Variants in SNCAIP observed in about 807,000 individuals in gnomAD.
The protein encoded by SNCAIP is synphilin-1.
SNCAIP carries 43 observed loss-of-function variants against 86.7 expected under a neutral mutation model. The ratio of observed to expected loss-of-function variants is 0.50; its 90% CI spans 0.39 to 0.64. SNCAIP has a LOEUF of 0.64. Ranked by LOEUF, SNCAIP falls within the 30% of genes least tolerant of loss-of-function variation. The pLI is 0.00. For missense variants in SNCAIP, 981 were observed against 1,103.1 expected (o/e 0.89, Z 1.57); for synonymous variants, 417 against 427.2 (o/e 0.98, Z 0.29).
chr5:122,398,360 C>T lies in SNCAIP; in HGVS notation c.58-5433C>T, dbSNP rs1771063089. Among the ~76,000 whole-genome samples the T allele has an allele frequency of 2.0e-5, 3 of 152,016 alleles. No homozygotes were observed. The South Asian group carries it at 6.2e-4, about 32-fold the overall frequency. On this transcript the variant is annotated intron_variant, in intron 2 of 10. Transcript: ENST00000261368. ...GAGGAGCAGACTGTTAGTGCCATGT[C>T]CCAAGGGAAGGGACAATGGAACACA...
intron 1 of SNCAIP, among the ~76,000 whole-genome samples, chr5:122,362,999 T>C (rs976221864): frequency 6.7e-6 from 1 of 150,208 alleles, no homozygotes; most frequent in Admixed American, 6.6e-5. Context: ...TTCTATTTTT[T>C]TTTTTTTTTT....
intron 6 of SNCAIP, among the ~76,000 whole-genome samples, chr5:122,437,533 C>G (rs1283141239): frequency 6.6e-6 from 1 of 152,120 alleles, no homozygotes; most frequent in East Asian, 1.9e-4. Flanking sequence ...AGGCCAATCG[C>G]ACTTCTTATT....
intron 1 of SNCAIP, among the ~76,000 whole-genome samples, chr5:122,319,979 A>G (rs1427693413): frequency 6.6e-6 from 1 of 152,236 alleles, no homozygotes; most frequent in Non-Finnish European, 1.5e-5. Flanking sequence ...TCATTCATGC[A>G]ACCAAATGAA....
Position 122,403,641 on chromosome 5 carries a change from C to G in SNCAIP, c.58-152C>G. ...ATCTTAGGATGCTGCCAGGTCACCA[C>G]GCAGCCCATTTAGGGTAAAATGAGA... On this transcript the variant is annotated intron_variant, in intron 2 of 10. Transcript: ENST00000261368. The G allele has an allele frequency of 4.0e-6, 3 of 756,998 alleles. No individual in the cohort carries two copies. In the Admixed American group the frequency reaches 5.4e-5, roughly 14 times the overall value. The allele number at this position is 756,998 out of a possible 1,614,324, so 46.9% of individuals were successfully genotyped here. A position where few individuals can be genotyped will look rare whatever the true frequency, so the allele number is the denominator to read the frequency against.
Position 122,450,694 on chromosome 5 carries a change from C to T in SNCAIP, c.1847C>T (p.Ser616Phe). 6.2e-7 allele frequency: 1 copy of T among 1,614,160 alleles called. No homozygotes were observed. The highest frequency in any genetic ancestry group is 8.5e-7 in the Non-Finnish European group (1 of 1,180,016). Residue 616 changes from serine to phenylalanine, a missense_variant, in exon 10 of 11, where the codon TCT becomes TTT. Ser to Phe is a radical substitution (Grantham distance 155). Coordinates refer to ENST00000261368, the MANE Select transcript of SNCAIP (RefSeq NM_005460.4). ...RARPKAKDEDSDKILRQLLGK... is the reference protein window; with the variant it reads ...RARPKAKDEDFDKILRQLLGK... ...AGACCCAAAGCAAAAGATGAAGATT[C>T]TGATAAAATCTTACGCCAGTTATTG...
chr5:122,461,759 A>G (rs1786369550), intron 10 of SNCAIP, among the ~76,000 whole-genome samples: 2 of 150,634 alleles, frequency 1.3e-5, no homozygotes. Context: ...GCTCACTGCA[A>G]CCTCTGCCTC....
chr5:122,420,888 C>T (rs2152921505), intron 3 of SNCAIP, among the ~76,000 whole-genome samples: 1 of 152,342 alleles, frequency 6.6e-6, no homozygotes, highest in East Asian at 1.9e-4. Context: ...AAATTGATCT[C>T]TTACTGGTGA....
intron 3 of SNCAIP, among the ~76,000 whole-genome samples, chr5:122,422,361 G>C (rs1364869986): frequency 2.0e-5 from 3 of 152,270 alleles, no homozygotes; most frequent in Non-Finnish European, 2.9e-5. Context: ...GTTTGAATTT[G>C]CTCAATATTA....
chr5:122,351,536 C>CAAAAAGAAAA (rs1759797472), intron 1 of SNCAIP, among the ~76,000 whole-genome samples: 1 of 36,514 alleles, frequency 2.7e-5, no homozygotes, highest in African/African-American at 8.3e-5. Context: ...GACTCTGTAT[C>CAAAAAGAAAA]AAAAAAAAAA....
chr5:122,405,127 AG>A (rs1772694260), intron 3 of SNCAIP, among the ~76,000 whole-genome samples: 1 of 152,224 alleles, frequency 6.6e-6, no homozygotes, highest in Non-Finnish European at 1.5e-5. Context: ...TCAATGACAC[AG>A]GTAGCTGACT....
intron 1 of SNCAIP, among the ~76,000 whole-genome samples, 170 bp from the exon 2 acceptor site, chr5:122,390,919 G>A (rs527244430): frequency 3.7e-4 from 57 of 152,298 alleles, no homozygotes; most frequent in Non-Finnish European, 6.6e-4. Context: ...CGCTGTGTTT[G>A]CTGCTTCTGG....
intron 1 of SNCAIP, among the ~76,000 whole-genome samples, chr5:122,370,286 A>T (rs1020839482): frequency 1.3e-5 from 2 of 151,964 alleles, no homozygotes; most frequent in African/African-American, 4.8e-5. Flanking sequence ...CTTGTACTCA[A>T]TAGCCATGCA....
intron 5 of SNCAIP, among the ~76,000 whole-genome samples, chr5:122,429,678 T>C (rs1352678403): frequency 6.6e-6 from 1 of 152,158 alleles, no homozygotes; most frequent in Non-Finnish European, 1.5e-5. Context: ...ACATTTGGCA[T>C]GCTCCAATTG....
chr5:122,462,910 C>A (rs2153044011), intron 10 of SNCAIP, among the ~76,000 whole-genome samples: 1 of 152,266 alleles, frequency 6.6e-6, no homozygotes, highest in South Asian at 2.1e-4. Flanking sequence ...TGTTCCAAGG[C>A]TCGAGTTTGT....
chr5:122,366,819 G>A (rs1056314789), intron 1 of SNCAIP, among the ~76,000 whole-genome samples: 3 of 152,068 alleles, frequency 2.0e-5, no homozygotes, highest in African/African-American at 4.8e-5. Context: ...TTTTCAACAG[G>A]GAAGTGGCAA....
chr5:122,340,024 C>T (rs1757246280), intron 1 of SNCAIP, among the ~76,000 whole-genome samples: 1 of 152,162 alleles, frequency 6.6e-6, no homozygotes, highest in African/African-American at 2.4e-5. Context: ...AGAAGCCAAT[C>T]TCCTATTACC....
Position 122,463,555 on chromosome 5 carries a change from T to G in SNCAIP, c.*59T>G. 1.3e-6 allele frequency: 2 copies of G among 1,592,304 alleles called. No homozygotes were observed. Among genetic ancestry groups the G allele is most frequent in the Non-Finnish European group, 1.7e-6 (2 of 1,164,472 alleles). On this transcript the variant is annotated 3_prime_UTR_variant, in exon 11 of 11. Coordinates refer to ENST00000261368, the MANE Select transcript of SNCAIP (RefSeq NM_005460.4). ...CATAAAGCACATTGCTGAGCCAGAG[T>G]CAAAAGAACTCTTCTTGTAAATCAC...
chr5:122,334,574 C>A (rs1580852358), intron 1 of SNCAIP, among the ~76,000 whole-genome samples: 1 of 152,308 alleles, frequency 6.6e-6, no homozygotes, highest in African/African-American at 2.4e-5. Flanking sequence ...GCGACTAGCA[C>A]AGGTTCTTGT....
At chr5:122,385,693 G>GTGTA in intron 1 of SNCAIP, among the ~76,000 whole-genome samples, 1 of 152,132 alleles carries the variant, frequency 6.6e-6, no homozygotes, top group South Asian at 2.1e-4. Flanking sequence ...GTGTGTGTGT[G>GTGTA]TGTGTGTGTG....
Sources: gnomAD v4.1 joint callset for allele counts (sites outside exome capture counted in the v4.1 genomes callset) on GRCh38, gnomAD v4.1.1 for gene constraint, MANE v1.5 for transcripts, NCBI Gene and HGNC (gene_info 2026-07-23, HGNC 2026-07-21) for gene names.